The following ANKRD30A variants were observed in gnomAD, a reference collection of about 807,000 sequenced individuals.
ANKRD30A encodes the protein ankyrin repeat domain-containing protein 30A.
Under a neutral mutation model 166.3 loss-of-function variants are expected in ANKRD30A, and 170 were observed. The ratio of observed to expected loss-of-function variants is 1.02; its 90% confidence interval spans 0.90 to 1.16. The LOEUF (loss-of-function observed/expected upper bound fraction) is 1.16, where lower values mean the gene tolerates loss of function less well. ANKRD30A is among the 50% of genes most tolerant of loss of function. The probability of loss-of-function intolerance (pLI) is 0.00; values close to 1 mark genes in which losing one functional copy is unlikely to be tolerated. For synonymous variants in ANKRD30A, 564 were observed against 508.9 expected, an observed-to-expected ratio of 1.11 and a Z score of -1.46; for missense variants, 1,630 against 1,518.0, an observed-to-expected ratio of 1.07 and a Z score of -1.23.
intron 31 of ANKRD30A, among the ~76,000 whole-genome samples, chr10:37,205,860 ATGC>A (rs1336908151): frequency 6.6e-6 from 1 of 152,192 alleles, no homozygotes; most frequent in Non-Finnish European, 1.5e-5. Context: ...GATGATGCTG[ATGC>A]TGGTGGTTCT....
chr10:37,152,161 C>A (rs1247678588), intron 12 of ANKRD30A, 40 bp downstream of exon 12: 3 of 1,481,114 alleles, frequency 2.0e-6, no homozygotes, highest in Non-Finnish European at 2.8e-6. Context: ...ATTAGTATTG[C>A]ATGATATGAA....
At chr10:37,203,067 C>G (rs1166308238) in intron 31 of ANKRD30A, among the ~76,000 whole-genome samples, 2 of 152,146 alleles carry the variant, frequency 1.3e-5, no homozygotes, top group Non-Finnish European at 2.9e-5. Context: ...CAAGGAGGAG[C>G]TGATACCATT....
downstream of ANKRD30A, among the ~76,000 whole-genome samples, chr10:37,234,901 T>C (rs1286138280): frequency 6.6e-6 from 1 of 152,170 alleles, no homozygotes; most frequent in Non-Finnish European, 1.5e-5. Context: ...TGGAACTTTG[T>C]GTCACATGGT....
chr10:37,158,560 T>A lies in ANKRD30A; in HGVS notation c.1874T>A (p.Leu625Ter), dbSNP rs1445186057. 6.2e-7 allele frequency: 1 copy of A among 1,613,426 alleles called. No homozygotes were observed. Among genetic ancestry groups the A allele is most frequent in the Non-Finnish European group, 8.5e-7 (1 of 1,179,676 alleles). The change falls in exon 15 of 36, where the codon TTG (leucine) becomes TAG (stop). Residue 625 changes from leucine to a stop codon, truncating the protein, a stop_gained. Transcript: ENST00000361713. LOFTEE classifies it high-confidence loss of function. Reference sequence around the variant, plus strand: ...TCTATTCCAACTAAAGCCTTAGAATTGAAGGACATGCAAACTTTCAAAGCA... The same window carrying A: ...TCTATTCCAACTAAAGCCTTAGAATAGAAGGACATGCAAACTTTCAAAGCA... ...KVSIPTKALE[L>*]KDMQTFKAEP...
At chr10:37,248,912 C>T in the ANKRD30A span, among the ~76,000 whole-genome samples, 9 of 152,076 alleles carry the variant, frequency 5.9e-5, no homozygotes, top group Admixed American at 5.9e-4. Context: ...TGTTCCTGGC[C>T]AGTGCAGGGG....
Position 37,134,058 on chromosome 10 carries a change from G to T in ANKRD30A, c.755+5G>T, listed in dbSNP as rs1836532092. 7 of 1,613,628 alleles carry T rather than the reference G, an allele frequency of 4.3e-6. No individual in the cohort carries two copies. The highest frequency in any genetic ancestry group is 5.9e-6 in the Non-Finnish European group (7 of 1,179,740). On this transcript the variant is annotated splice_donor_5th_base_variant and intron_variant, in intron 5 of 35. Coordinates refer to ENST00000361713, the MANE Select transcript of ANKRD30A (RefSeq NM_052997.3). Reference sequence around the variant, plus strand: ...TGTTACTTGTGGATTTCATCAGTAAGTGTTTACGTTTAGAGGCTAGGTGAG... The same window carrying T: ...TGTTACTTGTGGATTTCATCAGTAATTGTTTACGTTTAGAGGCTAGGTGAG...
chr10:37,162,374 C>T (rs549475756), intron 15 of ANKRD30A, among the ~76,000 whole-genome samples: 5 of 152,282 alleles, frequency 3.3e-5, no homozygotes, highest in Admixed American at 2.6e-4. Flanking sequence ...TCAGCTTTGA[C>T]ATTTATTTTC....
chr10:37,153,115 T>A (rs1362478979), intron 12 of ANKRD30A, among the ~76,000 whole-genome samples: 3 of 152,196 alleles, frequency 2.0e-5, no homozygotes, highest in Admixed American at 6.5e-5. Context: ...AAAGTTCTCT[T>A]CATGACATGC....
chr10:37,217,784 A>G lies in ANKRD30A; in HGVS notation c.3173A>G (p.Gln1058Arg), dbSNP rs1388895859. The G allele has an allele frequency of 2.5e-6, 4 of 1,599,262 alleles. No individual in the cohort carries two copies. Among genetic ancestry groups the G allele is most frequent in the East Asian group, 4.5e-5 (2 of 44,066 alleles). The change falls in exon 33 of 36, where the codon CAG becomes CGG. Residue 1058 changes from glutamine to arginine, a missense_variant. Around this residue, in one of 4 missense-constraint regions of ANKRD30A, gnomAD observed 712 missense variants for 629.3 expected, o/e 1.13. Transcript: ENST00000361713. ...IREELGRIEEQHRKELEVKQQ... is the reference protein window; with the variant it reads ...IREELGRIEERHRKELEVKQQ... Reference sequence around the variant, plus strand: ...GAAGAATTAGGAAGAATCGAAGAGCAGCATAGGAAAGAGTTAGAAGTGAAA... The same window carrying G: ...GAAGAATTAGGAAGAATCGAAGAGCGGCATAGGAAAGAGTTAGAAGTGAAA...
chr10:37,216,644 C>G (rs1842621305), intron 32 of ANKRD30A, among the ~76,000 whole-genome samples: 1 of 151,208 alleles, frequency 6.6e-6, no homozygotes, highest in South Asian at 2.1e-4. Flanking sequence ...AATCCCATTA[C>G]TTACTTAACA....
At chr10:37,221,312 CAT>C (rs1428352738) in intron 34 of ANKRD30A, among the ~76,000 whole-genome samples, 2 of 151,124 alleles carry the variant, frequency 1.3e-5, no homozygotes, top group Non-Finnish European at 3.0e-5. Flanking sequence ...CAATAACAAA[CAT>C]GTCTTGTCAG....
the ANKRD30A span, among the ~76,000 whole-genome samples, chr10:37,265,590 C>T: frequency 6.6e-6 from 1 of 152,230 alleles, no homozygotes; most frequent in Non-Finnish European, 1.5e-5. Context: ...CCCAGGCCTG[C>T]CTGGGCCTCC....
At chr10:37,259,172 T>C in the ANKRD30A span, among the ~76,000 whole-genome samples, 254 of 152,086 alleles carry the variant, frequency 1.7e-3, no homozygotes, top group African/African-American at 5.8e-3. Flanking sequence ...TGGGAGAAGA[T>C]ATCTGCAATA....
At chr10:37,167,252 G>A (rs1839425502) in intron 19 of ANKRD30A, among the ~76,000 whole-genome samples, 1 of 145,724 alleles carries the variant, frequency 6.9e-6, no homozygotes, top group African/African-American at 2.7e-5. Context: ...AAACCTCAGT[G>A]ACTCATTAAT....
At chr10:37,243,712 C>T in the ANKRD30A span, among the ~76,000 whole-genome samples, 1 of 152,040 alleles carries the variant, frequency 6.6e-6, no homozygotes, top group Non-Finnish European at 1.5e-5. Context: ...TATTTCTGGT[C>T]ACAGAAACAT....
chr10:37,242,065 T>C, the ANKRD30A span: 2 of 152,208 alleles, frequency 1.3e-5, no homozygotes, highest in South Asian at 4.1e-4. Context: ...ATTACTTGTC[T>C]ATAATATTCC....
chr10:37,135,364 T>G (rs2132517232), intron 5 of ANKRD30A: 1 of 152,350 alleles, frequency 6.6e-6, no homozygotes, highest in African/African-American at 2.4e-5. Context: ...AAAAGGACAT[T>G]TGACTACTTT....
chr10:37,160,982 G>A (rs974031149), intron 15 of ANKRD30A, among the ~76,000 whole-genome samples: 6 of 152,224 alleles, frequency 3.9e-5, no homozygotes, highest in East Asian at 1.9e-4. Flanking sequence ...GACTGGGTGC[G>A]GTGGCTCACG....
At chr10:37,147,583 A>G (rs1588786838) in intron 9 of ANKRD30A, 126 bp downstream of exon 9, 1 of 549,856 alleles carries the variant, frequency 1.8e-6, no homozygotes, top group East Asian at 3.3e-5. Flanking sequence ...AGAGAGGAGT[A>G]AAATGATAAG....
Sources: gnomAD v4.1 joint callset for allele counts (sites outside exome capture counted in the v4.1 genomes callset) on GRCh38, gnomAD v4.1.1 for gene constraint, gnomAD v4.1.1 regional missense constraint, MANE v1.5 for transcripts, NCBI Gene and HGNC (gene_info 2026-07-23, HGNC 2026-07-21) for gene names.